Variants in GNG7 observed in about 807,000 individuals in gnomAD.
GNG7 encodes the protein G protein subunit gamma 7.
GNG7 carries 1 observed loss-of-function variant against 4.0 expected under a neutral mutation model. That is an observed-to-expected ratio of 0.25 (90% CI 0.09 to 1.18). The LOEUF (loss-of-function observed/expected upper bound fraction) is 1.18, where lower values mean the gene tolerates loss of function less well. Ranked by LOEUF, GNG7 falls within the 50% of genes most tolerant of loss-of-function variation. GNG7 has a pLI of 0.50. For missense variants in GNG7, 86 were observed against 91.9 expected, an observed-to-expected ratio of 0.94 and a Z score of 0.26; for synonymous variants, 34 against 36.9, an observed-to-expected ratio of 0.92 and a Z score of 0.29.
At position 2,673,680 on chromosome 19, in the gene GNG7, C is replaced by T. The variant is rs150522714; in HGVS notation, c.-134-27400G>A. On this transcript the variant is annotated intron_variant, in intron 1 of 4. Coordinates refer to ENST00000382159, the MANE Select transcript of GNG7 (RefSeq NM_052847.3). ...TGGCACTCCAGCCTGGGTGAAAGAG[C>T]GAGACTCCATCTAAAAAAAAAAAAA... 9.4e-3 allele frequency among the ~76,000 whole-genome samples: 1,264 copies of T among 134,332 alleles called. 14 individuals are homozygous for T. The highest frequency in any genetic ancestry group is 0.034 in the African/African-American group (1,198 of 34,788). 88.1% of individuals were successfully genotyped at this position (134,332 alleles called of 152,430 possible). A position where few individuals can be genotyped will look rare whatever the true frequency, so the allele number is the denominator to read the frequency against.
intron 2 of GNG7, chr19:2,643,447 C>G (rs563114666): frequency 1.6e-5 from 7 of 424,698 alleles, no homozygotes; most frequent in South Asian, 9.5e-5. Context: ...CCTCTCCGGA[C>G]TCTGCACACC....
At chr19:2,647,359 G>A (rs1982693284) in intron 1 of GNG7, among the ~76,000 whole-genome samples, 1 of 152,150 alleles carries the variant, frequency 6.6e-6, no homozygotes, top group South Asian at 2.1e-4. Flanking sequence ...CACATGGGGA[G>A]AGGGCCTGGA....
At chr19:2,616,101 A>G (rs1038633520) in intron 2 of GNG7, among the ~76,000 whole-genome samples, 2 of 152,226 alleles carry the variant, frequency 1.3e-5, no homozygotes, top group Admixed American at 6.5e-5. Context: ...AGGGCTGCCC[A>G]GCATTGATTA....
chr19:2,657,913 C>G (rs182670040), intron 1 of GNG7, among the ~76,000 whole-genome samples: 5 of 152,224 alleles, frequency 3.3e-5, no homozygotes, highest in African/African-American at 9.6e-5. Flanking sequence ...CTCTCTCTCT[C>G]TCTCTTTGCC....
intron 1 of GNG7, among the ~76,000 whole-genome samples, chr19:2,698,289 C>A (rs568231840): frequency 1.1e-4 from 16 of 144,118 alleles, no homozygotes; most frequent in Non-Finnish European, 1.2e-4. Flanking sequence ...ACAGGCCGGG[C>A]GCGGTGGCTC....
chr19:2,657,361 A>AAAAAATAT (rs1555701153), intron 1 of GNG7, among the ~76,000 whole-genome samples: 3 of 16,316 alleles, frequency 1.8e-4, no homozygotes, highest in Admixed American at 1.0e-3. Flanking sequence ...AAAAAAAAAA[A>AAAAAATAT]ATATATATAT....
At chr19:2,630,958 A>G (rs1162566901) in intron 2 of GNG7, among the ~76,000 whole-genome samples, 1 of 152,080 alleles carries the variant, frequency 6.6e-6, no homozygotes, top group Non-Finnish European at 1.5e-5. Flanking sequence ...GGGTTTGGAC[A>G]TCATGTCCCT....
At chr19:2,686,744 T>C (rs952445810) in intron 1 of GNG7, among the ~76,000 whole-genome samples, 1 of 150,802 alleles carries the variant, frequency 6.6e-6, no homozygotes, top group African/African-American at 2.4e-5. Flanking sequence ...TTACTTACTT[T>C]TTTTCTTTCT....
rs897736856 is a variant in GNG7, at chr19:2,525,917, C to G, written c.-37-5192G>C. 4.7e-5 allele frequency among the ~76,000 whole-genome samples: 7 copies of G among 149,466 alleles called. No individual in the cohort carries two copies. In the South Asian group the frequency reaches 6.3e-4, roughly 13 times the overall value. On this transcript the variant is annotated intron_variant, in intron 3 of 4. Coordinates refer to ENST00000382159, the MANE Select transcript of GNG7 (RefSeq NM_052847.3). ...CTCCGCCTTCCGGGTTCAAGCGATTCTCTTGCCTCAGCCTCCCGAGTGGCT... is the reference window on the plus strand; with the variant it reads ...CTCCGCCTTCCGGGTTCAAGCGATTGTCTTGCCTCAGCCTCCCGAGTGGCT...
intron 2 of GNG7, among the ~76,000 whole-genome samples, chr19:2,585,914 A>C (rs1014213843): frequency 1.3e-5 from 2 of 152,048 alleles, no homozygotes; most frequent in Non-Finnish European, 2.9e-5. Flanking sequence ...GTTGGCCAGG[A>C]TGGTCTCACT....
intron 1 of GNG7, among the ~76,000 whole-genome samples, chr19:2,666,665 G>A (rs1983319706): frequency 6.6e-6 from 1 of 152,162 alleles, no homozygotes; most frequent in African/African-American, 2.4e-5. Context: ...TTCTGTCTAG[G>A]GCAGGATGTA....
At chr19:2,696,338 GAAAGAAAGA>G (rs1339996899) in intron 1 of GNG7, among the ~76,000 whole-genome samples, 156 of 123,042 alleles carry the variant, frequency 1.3e-3, no homozygotes, top group African/African-American at 4.4e-3. Context: ...AAGAAAGAAA[GAAAGAAAGA>G]AAAGAAAGAA....
intron 1 of GNG7, among the ~76,000 whole-genome samples, chr19:2,686,250 C>T (rs920820997): frequency 6.6e-6 from 1 of 151,992 alleles, no homozygotes; most frequent in African/African-American, 2.4e-5. Flanking sequence ...CTCCGCCACC[C>T]GCGTTCAAGC....
chr19:2,694,958 G>A (rs554016424), intron 1 of GNG7, among the ~76,000 whole-genome samples: 16 of 152,088 alleles, frequency 1.1e-4, no homozygotes, highest in African/African-American at 3.4e-4. Context: ...GGTTGAACTC[G>A]AGCTCAGGAG....
chr19:2,668,192 T>C lies in GNG7; in HGVS notation c.-134-21912A>G, dbSNP rs78907674. 4.3e-3 allele frequency among the ~76,000 whole-genome samples: 646 copies of C among 148,576 alleles called. 2 individuals carry two copies. Among genetic ancestry groups the C allele is most frequent in the Middle Eastern group, 0.014 (4 of 294 alleles). The stretch of plus-strand genomic sequence containing the variant: ...TGCATTCCCAGTTTTTCTGTAAATC[T>C]GAAACTATTCTAAAATGAAAAGTTT... On this transcript the variant is annotated intron_variant, in intron 1 of 4. Transcript: ENST00000382159.
At chr19:2,628,521 G>A (rs1204719816) in intron 2 of GNG7, among the ~76,000 whole-genome samples, 3 of 151,142 alleles carry the variant, frequency 2.0e-5, no homozygotes, top group Non-Finnish European at 4.4e-5. Flanking sequence ...GTGTGTGTGT[G>A]TGTGTATATA....
intron 2 of GNG7, among the ~76,000 whole-genome samples, chr19:2,577,679 TG>T (rs1980381387): frequency 7.9e-6 from 1 of 126,042 alleles, no homozygotes; most frequent in Non-Finnish European, 1.6e-5. Context: ...CCAGCCTGGG[TG>T]ACAGAGCAAG....
In GNG7 at chr19:2,512,210, C is replaced by T. The variant is rs933196924; in HGVS notation, c.*2812G>A. 42 of 985,736 alleles carry T rather than the reference C, an allele frequency of 4.3e-5. No homozygotes were observed. The highest frequency in any genetic ancestry group is 4.7e-5 in the South Asian group (1 of 21,292). The allele number at this position is 985,736 out of a possible 1,614,324, so 61.1% of individuals were successfully genotyped here. A position where few individuals can be genotyped will look rare whatever the true frequency, so the allele number is the denominator to read the frequency against. On this transcript the variant is annotated 3_prime_UTR_variant, in exon 5 of 5. Coordinates refer to ENST00000382159, the MANE Select transcript of GNG7 (RefSeq NM_052847.3). The surrounding 1 kb of genome is among the most constrained non-coding windows in gnomAD (Gnocchi z 4.7). ...CGCCAGCTCCCCGTCTGGAGGTGCA[C>T]GCGCGCTCCTGGAAACGCCCATAAA...
intron 1 of GNG7, among the ~76,000 whole-genome samples, chr19:2,687,426 G>A (rs1220963995): frequency 6.6e-6 from 1 of 151,844 alleles, no homozygotes; most frequent in Non-Finnish European, 1.5e-5. Context: ...AGACCAGCCT[G>A]GCCAACATGG....
Sources: allele counts gnomAD v4.1 joint callset (sites outside exome capture counted in the v4.1 genomes callset), GRCh38; gene constraint gnomAD v4.1.1; non-coding constraint Gnocchi (gnomAD v3.1); transcripts MANE v1.5; gene names NCBI Gene and HGNC (gene_info 2026-07-23, HGNC 2026-07-21).